The following CHRNA7 variants were observed in gnomAD, a reference collection of about 807,000 sequenced individuals.
CHRNA7 encodes the protein neuronal acetylcholine receptor subunit alpha-7.
In CHRNA7, 17 loss-of-function variants were observed where a neutral mutation model predicts 48.0. The ratio of observed to expected loss-of-function variants is 0.35; its 90% CI spans 0.24 to 0.53. The LOEUF (loss-of-function observed/expected upper bound fraction) is 0.53. CHRNA7 is among the 20% of genes least tolerant of loss of function. CHRNA7 has a pLI of 0.92. For missense variants in CHRNA7, 155 were observed against 577.7 expected (o/e 0.27, Z 7.50); for synonymous variants, 75 against 242.3 (o/e 0.31, Z 6.41).
At chr15:32,036,774 GTTT>G (rs36093665) in intron 2 of CHRNA7, among the ~76,000 whole-genome samples, 2 of 134,372 alleles carry the variant, frequency 1.5e-5, no homozygotes, top group African/African-American at 5.4e-5. Context: ...TTTTCAGTGG[GTTT>G]TTTTTTTTTT....
chr15:32,075,036 A>G (rs1364172119), intron 2 of CHRNA7, among the ~76,000 whole-genome samples: 1 of 152,200 alleles, frequency 6.6e-6, no homozygotes, highest in East Asian at 1.9e-4. Flanking sequence ...TGATTTTCAA[A>G]TATTAAACCA....
At chr15:32,148,762 A>G (rs749515350) in intron 4 of CHRNA7, among the ~76,000 whole-genome samples, 2 of 152,226 alleles carry the variant, frequency 1.3e-5, no homozygotes, top group Non-Finnish European at 2.9e-5. Context: ...TTAGGGCAAC[A>G]TGGTGTAAGC....
intron 2 of CHRNA7, among the ~76,000 whole-genome samples, chr15:32,079,139 A>T (rs565972436): frequency 2.6e-5 from 4 of 152,370 alleles, no homozygotes; most frequent in African/African-American, 9.6e-5. Flanking sequence ...CTAGGTATTG[A>T]TGGGACATAC....
chr15:32,154,560 A>C (rs3826027), intron 5 of CHRNA7, among the ~76,000 whole-genome samples: 4,255 of 20,188 alleles, frequency 0.21, 24 homozygotes, highest in Non-Finnish European at 0.24. Context: ...GTTCTTTCCC[A>C]CCAGTCCATC....
chr15:32,073,575 T>G (rs574776949), intron 2 of CHRNA7, among the ~76,000 whole-genome samples: 1 of 152,316 alleles, frequency 6.6e-6, no homozygotes, highest in African/African-American at 2.4e-5. Context: ...TTTGGGTATT[T>G]GTTCCTTCTA....
intron 2 of CHRNA7, among the ~76,000 whole-genome samples, chr15:32,089,822 G>A (rs948676841): frequency 6.6e-6 from 1 of 152,144 alleles, no homozygotes; most frequent in Non-Finnish European, 1.5e-5. Context: ...TTTTTAGTGT[G>A]CGAATTCATG....
At chr15:32,102,050 A>G (rs1447563285) in intron 3 of CHRNA7, 1 of 152,138 alleles carries the variant, frequency 6.6e-6, no homozygotes, top group Non-Finnish European at 1.5e-5. Context: ...CTCTTTGCAC[A>G]TGCATTTCTA....
At chr15:32,104,721 C>G (rs757820766) in intron 3 of CHRNA7, among the ~76,000 whole-genome samples, 4 of 152,124 alleles carry the variant, frequency 2.6e-5, no homozygotes, top group Admixed American at 2.0e-4. Context: ...GCTTGGGTAG[C>G]GTGACACAAC....
At chr15:32,088,594 G>A (rs180700766) in intron 2 of CHRNA7, among the ~76,000 whole-genome samples, 114 of 152,242 alleles carry the variant, frequency 7.5e-4, no homozygotes, top group African/African-American at 2.7e-3. Context: ...CCAGCAATTG[G>A]TAATGTGAAC....
At position 32,115,952 on chromosome 15, in the gene CHRNA7, C is replaced by T. The variant is rs1420689421; in HGVS notation, c.350+4053C>T. Reference sequence around the variant, plus strand: ...AACTGAGACTGAGTCCAAAAATTCACACAGGAAATAGCAAAAATAGTCTTC... The same window carrying T: ...AACTGAGACTGAGTCCAAAAATTCATACAGGAAATAGCAAAAATAGTCTTC... On this transcript the variant is annotated intron_variant, in intron 4 of 9. Transcript: ENST00000306901. 2.6e-5 allele frequency among the ~76,000 whole-genome samples: 4 copies of T among 152,202 alleles called. No individual in the cohort carries two copies. The East Asian group carries it at 7.7e-4, about 29-fold the overall frequency.
intron 3 of CHRNA7, among the ~76,000 whole-genome samples, chr15:32,107,008 T>C (rs2050680954): frequency 6.6e-6 from 1 of 152,188 alleles, no homozygotes; most frequent in African/African-American, 2.4e-5. Flanking sequence ...AAGAGCGATG[T>C]GTCAATCATT....
At chr15:32,101,490 C>A in intron 3 of CHRNA7, 143 bp downstream of exon 3, 1 of 789,808 alleles carries the variant, frequency 1.3e-6, no homozygotes, top group Non-Finnish European at 2.1e-6. Context: ...GGCTGTCACA[C>A]CAACTCCACA....
At chr15:32,120,248 A>G (rs987282954) in intron 4 of CHRNA7, among the ~76,000 whole-genome samples, 2 of 152,084 alleles carry the variant, frequency 1.3e-5, no homozygotes, top group Non-Finnish European at 2.9e-5. Context: ...ACACATCAGG[A>G]AAGAGCTCGG....
At chr15:32,086,477 A>G (rs1473951661) in intron 2 of CHRNA7, among the ~76,000 whole-genome samples, 2 of 152,142 alleles carry the variant, frequency 1.3e-5, no homozygotes, top group African/African-American at 4.8e-5. Context: ...CCTGGAGGCC[A>G]CACAGTTTCC....
At chr15:32,151,516 TCTTAA>T (rs1431143357) in intron 4 of CHRNA7, among the ~76,000 whole-genome samples, 3 of 152,118 alleles carry the variant, frequency 2.0e-5, no homozygotes, top group Non-Finnish European at 4.4e-5. Flanking sequence ...TCGTGTTATT[TCTTAA>T]TTTTTTCCCT....
At position 32,083,818 on chromosome 15, in the gene CHRNA7, A is replaced by G. The variant is rs11854988; in HGVS notation, c.196-17485A>G. ...TAAATTATGAAAAAGTTCCAACGCA[A>G]TTTGGTTCCTGATTTTGTGATAGGA... is the stretch of plus-strand genomic sequence containing the variant. On this transcript the variant is annotated intron_variant, in intron 2 of 9. Coordinates refer to ENST00000306901, the MANE Select transcript of CHRNA7 (RefSeq NM_000746.6). Among the ~76,000 whole-genome samples, 963 of 152,308 alleles carry G rather than the reference A, an allele frequency of 6.3e-3. 16 individuals are homozygous for G. The highest frequency in any genetic ancestry group is 0.022 in the African/African-American group (929 of 41,566).
At chr15:32,109,378 G>T (rs1438267094) in intron 3 of CHRNA7, among the ~76,000 whole-genome samples, 1 of 152,142 alleles carries the variant, frequency 6.6e-6, no homozygotes, top group Non-Finnish European at 1.5e-5. Flanking sequence ...TTATCAGCAA[G>T]GTCTTTATGG....
At chr15:32,058,377 A>C (rs1349398031) in intron 2 of CHRNA7, among the ~76,000 whole-genome samples, 6 of 152,208 alleles carry the variant, frequency 3.9e-5, no homozygotes. Flanking sequence ...ATTGGATTAA[A>C]GTAAAAACTG....
rs372753882 is a variant in CHRNA7 at position 32,060,149 on chromosome 15, C to T, written c.195+29112C>T. 5.3e-5 allele frequency among the ~76,000 whole-genome samples: 8 copies of T among 152,078 alleles called. No homozygotes were observed. The East Asian group carries it at 7.7e-4, about 15-fold the overall frequency. ...AAAATTTGGCATTAAGCCTAATTGT[C>T]AGTTGTCAAACATCCCATGAAACAT... is the stretch of plus-strand genomic sequence containing the variant. On this transcript the variant is annotated intron_variant, in intron 2 of 9. Transcript: ENST00000306901.
Sources: gnomAD v4.1 joint callset for allele counts (sites outside exome capture counted in the v4.1 genomes callset) on GRCh38, gnomAD v4.1.1 for gene constraint, MANE v1.5 for transcripts, NCBI Gene and HGNC (gene_info 2026-07-23, HGNC 2026-07-21) for gene names.